Variants in ANKRD46 observed in about 807,000 individuals in gnomAD.
ANKRD46 encodes the protein ankyrin repeat domain 46.
Under a neutral mutation model 19.8 loss-of-function variants are expected in ANKRD46, and 13 were observed. The ratio of observed to expected loss-of-function variants is 0.66; its 90% confidence interval spans 0.43 to 1.04. The LOEUF (loss-of-function observed/expected upper bound fraction) is 1.04, where lower values mean the gene tolerates loss of function less well. Among genes scored for constraint, ANKRD46 ranks in the 50% least tolerant of loss-of-function variants. The pLI, the probability that ANKRD46 is intolerant of heterozygous loss-of-function variation, is 0.00. For missense variants in ANKRD46, 185 were observed against 274.8 expected (o/e 0.67, Z 2.31); for synonymous variants, 91 against 106.9 (o/e 0.85, Z 0.92).
chr8:100,550,985 G>A lies in ANKRD46; in HGVS notation c.-131+8726C>T. ...TTTGGCAGGTTTCTCCAGATGGCAG[G>A]TCAGGTCCACAACCAACACGTTTGC... On this transcript the variant is annotated intron_variant, in intron 1 of 4. Coordinates refer to ENST00000335659, the MANE Select transcript of ANKRD46 (RefSeq NM_001270377.2). The surrounding 1 kb of genome is among the most constrained non-coding windows in gnomAD (Gnocchi z 4.4). The A allele has an allele frequency of 3.6e-6, 2 of 553,704 alleles. No homozygotes were observed. Among genetic ancestry groups the A allele is most frequent in the Non-Finnish European group, 6.9e-6 (2 of 289,432 alleles). The allele number at this position is 553,704 out of a possible 1,614,324, so 34.3% of individuals were successfully genotyped here.
Position 100,527,736 on chromosome 8 carries a change from G to A in ANKRD46, c.470+109C>T. Reference sequence around the variant, plus strand: ...ATTATCTTGCTGGGTGTGGCTACATGTGCCTATAGTCCCAGCTAGTCAGGA... The same window carrying A: ...ATTATCTTGCTGGGTGTGGCTACATATGCCTATAGTCCCAGCTAGTCAGGA... On this transcript the variant is annotated intron_variant, in intron 4 of 4. Coordinates refer to ENST00000335659, the MANE Select transcript of ANKRD46 (RefSeq NM_001270377.2). This position sits in a 1 kb window ranked among gnomAD's most constrained non-coding sequence, Gnocchi z 4.0. 8.6e-7 allele frequency: 1 copy of A among 1,167,802 alleles called. No individual in the cohort carries two copies. Among genetic ancestry groups the A allele is most frequent in the Non-Finnish European group, 1.2e-6 (1 of 848,664 alleles). 72.3% of individuals were successfully genotyped at this position (1,167,802 alleles called of 1,614,324 possible).
chr8:100,529,842 T>C lies in ANKRD46; in HGVS notation c.-9A>G, dbSNP rs774490742. 2.5e-6 allele frequency: 4 copies of C among 1,612,028 alleles called. No homozygotes were observed. The highest frequency in any genetic ancestry group is 3.4e-6 in the Non-Finnish European group (4 of 1,178,506). On this transcript the variant is annotated 5_prime_UTR_variant, in exon 3 of 5. Coordinates refer to ENST00000335659, the MANE Select transcript of ANKRD46 (RefSeq NM_001270377.2). The surrounding 1 kb of genome is among the most constrained non-coding windows in gnomAD (Gnocchi z 5.8). ...ACAAAAACATACGACATTGTTCTGA[T>C]GTGGTGGATGGAACACGCCTGTAAT...
At position 100,510,486 on chromosome 8, in the gene ANKRD46, G is replaced by A. The variant is rs185468836; in HGVS notation, c.*91C>T. The A allele has an allele frequency of 6.8e-5, 87 of 1,278,440 alleles. No homozygotes were observed. In the African/African-American group the frequency reaches 9.6e-4, roughly 14 times the overall value. 79.2% of individuals were successfully genotyped at this position (1,278,440 alleles called of 1,614,324 possible). The stretch of plus-strand genomic sequence containing the variant: ...GATGCTCCATGACACAAGTCGTGAC[G>A]GAAACAGCCCCACCCAACAGGGACG... On this transcript the variant is annotated 3_prime_UTR_variant, in exon 6 of 6. Coordinates refer to the ANKRD46 transcript ENST00000520552. This position sits in a 1 kb window ranked among gnomAD's most constrained non-coding sequence, Gnocchi z 4.9.
intron 1 of ANKRD46, among the ~76,000 whole-genome samples, chr8:100,535,433 C>A (rs1277515250): frequency 2.0e-5 from 3 of 152,146 alleles, no homozygotes; most frequent in African/African-American, 7.2e-5. Flanking sequence ...TAACATCTTG[C>A]CAAACTATAG....
In ANKRD46 at chr8:100,532,655, A is replaced by C. The variant is rs750780624; in HGVS notation, c.-28+554T>G. Among the ~76,000 whole-genome samples the C allele has an allele frequency of 3.3e-5, 5 of 152,234 alleles. No homozygotes were observed. Among genetic ancestry groups the C allele is most frequent in the Non-Finnish European group, 7.3e-5 (5 of 68,046 alleles). ...GAAGAAGAATTGTCTTGGGCTACAC[A>C]TAAAATACATAATGATAGCTGATAA... On this transcript the variant is annotated intron_variant, in intron 2 of 4. Coordinates refer to ENST00000335659, the MANE Select transcript of ANKRD46 (RefSeq NM_001270377.2). The surrounding 1 kb of genome is among the most constrained non-coding windows in gnomAD (Gnocchi z 4.7).
chr8:100,519,853 G>A (rs575895641), downstream of ANKRD46, among the ~76,000 whole-genome samples: 5 of 152,012 alleles, frequency 3.3e-5, no homozygotes, highest in Non-Finnish European at 7.4e-5. Flanking sequence ...TTGTTGCGGG[G>A]GATGCATAAA....
chr8:100,519,731 A>C (rs925600125), downstream of ANKRD46, among the ~76,000 whole-genome samples: 5 of 152,146 alleles, frequency 3.3e-5, no homozygotes, highest in African/African-American at 1.2e-4. Flanking sequence ...GCTGATCGGA[A>C]GCCTGCATGC....
chr8:100,558,036 C>A (rs1016847972), intron 1 of ANKRD46, among the ~76,000 whole-genome samples: 1 of 152,174 alleles, frequency 6.6e-6, no homozygotes, highest in Non-Finnish European at 1.5e-5. Context: ...ACTCTCACAT[C>A]CCCCAGTGCT....
chr8:100,548,097 C>T (rs556082912), intron 1 of ANKRD46, among the ~76,000 whole-genome samples: 9 of 148,616 alleles, frequency 6.1e-5, no homozygotes, highest in African/African-American at 2.0e-4. Flanking sequence ...CTCTACAATC[C>T]GTTCTCAATA....
At chr8:100,549,629 T>C (rs1812341367) in intron 1 of ANKRD46, among the ~76,000 whole-genome samples, 1 of 152,174 alleles carries the variant, frequency 6.6e-6, no homozygotes, top group Non-Finnish European at 1.5e-5. Context: ...AGATTTCCCA[T>C]ATTCCCCCAC....
chr8:100,557,878 C>A lies in ANKRD46; in HGVS notation c.-131+1833G>T, dbSNP rs535436871. 6.6e-6 allele frequency among the ~76,000 whole-genome samples: 1 copy of A among 152,284 alleles called. No homozygotes were observed. The highest frequency in any genetic ancestry group is 1.5e-5 in the Non-Finnish European group (1 of 68,016). ...CTGTTCCTTCCTTGGTGCTTCCTATCCCCCTTTGCTACTTTATTTTTATTC... is the reference window on the plus strand; with the variant it reads ...CTGTTCCTTCCTTGGTGCTTCCTATACCCCTTTGCTACTTTATTTTTATTC... On this transcript the variant is annotated intron_variant, in intron 1 of 4. Coordinates refer to ENST00000335659, the MANE Select transcript of ANKRD46 (RefSeq NM_001270377.2). This position sits in a 1 kb window ranked among gnomAD's most constrained non-coding sequence, Gnocchi z 5.9.
downstream of ANKRD46, among the ~76,000 whole-genome samples, chr8:100,518,546 A>G (rs894171773): frequency 9.9e-5 from 15 of 152,284 alleles, no homozygotes; most frequent in East Asian, 2.9e-3. Flanking sequence ...TGGAAAATTC[A>G]TGATACATTA....
At chr8:100,535,046 C>T (rs773640353) in intron 1 of ANKRD46, among the ~76,000 whole-genome samples, 31 of 152,312 alleles carry the variant, frequency 2.0e-4, no homozygotes, top group African/African-American at 6.7e-4. Flanking sequence ...GGATTACAGG[C>T]GTGAGCCACC....
At position 100,545,711 on chromosome 8, in the gene ANKRD46, A is replaced by G. The variant is rs1004814436; in HGVS notation, c.-130-12400T>C. Among the ~76,000 whole-genome samples, 5 of 152,204 alleles carry G rather than the reference A, an allele frequency of 3.3e-5. No individual in the cohort carries two copies. Among genetic ancestry groups the G allele is most frequent in the African/African-American group, 1.2e-4 (5 of 41,454 alleles). On this transcript the variant is annotated intron_variant, in intron 1 of 4. Transcript: ENST00000335659. This position sits in a 1 kb window ranked among gnomAD's most constrained non-coding sequence, Gnocchi z 4.7. The stretch of plus-strand genomic sequence containing the variant: ...AAGGTTGGAACAGTTTGGGGGGCTC[A>G]GAAGATATGGGAAAGTCTGGAACTT...
At chr8:100,549,495 A>G (rs907718182) in intron 1 of ANKRD46, among the ~76,000 whole-genome samples, 1 of 152,180 alleles carries the variant, frequency 6.6e-6, no homozygotes, top group Admixed American at 6.5e-5. Flanking sequence ...CAAAAGCATA[A>G]TTTTGCATAA....
In ANKRD46 at chr8:100,543,581, G is replaced by T. The variant is rs867635070; in HGVS notation, c.-130-10270C>A. On this transcript the variant is annotated intron_variant, in intron 1 of 4. Coordinates refer to ENST00000335659, the MANE Select transcript of ANKRD46 (RefSeq NM_001270377.2). This position sits in a 1 kb window ranked among gnomAD's most constrained non-coding sequence, Gnocchi z 4.2. ...ATTATTCTTTAAAATGCTGTCAGAA[G>T]ATAATGGCTTCACAGTCTTCAAACA... Among the ~76,000 whole-genome samples, 2 of 152,160 alleles carry T rather than the reference G, an allele frequency of 1.3e-5. No homozygotes were observed. Among genetic ancestry groups the T allele is most frequent in the African/African-American group, 2.4e-5 (1 of 41,452 alleles).
chr8:100,540,622 G>A (rs574406186), intron 1 of ANKRD46, among the ~76,000 whole-genome samples: 36 of 152,108 alleles, frequency 2.4e-4, no homozygotes, highest in African/African-American at 8.7e-4. Flanking sequence ...CACCAACAAC[G>A]ATTTCTGATA....
chr8:100,532,167 T>A lies in ANKRD46; in HGVS notation c.-28+1042A>T, dbSNP rs1475325603. Among the ~76,000 whole-genome samples, 1 of 152,204 alleles carries A rather than the reference T, an allele frequency of 6.6e-6. No homozygotes were observed. On this transcript the variant is annotated intron_variant, in intron 2 of 4. Transcript: ENST00000335659. This position sits in a 1 kb window ranked among gnomAD's most constrained non-coding sequence, Gnocchi z 4.7. ...AAACTTCAGATTATGATACATATGA[T>A]GACTTTTTAAAAATCTGGCTGGACA...
intron 5 of ANKRD46, among the ~76,000 whole-genome samples, chr8:100,514,548 TC>T (rs1255160341): frequency 1.4e-5 from 2 of 147,790 alleles, no homozygotes; most frequent in Non-Finnish European, 3.0e-5. Flanking sequence ...CTATTGAACA[TC>T]CTGAAAAGTG....
Sources: gnomAD v4.1 joint callset for allele counts (sites outside exome capture counted in the v4.1 genomes callset) on GRCh38, gnomAD v4.1.1 for gene constraint, Gnocchi (gnomAD v3.1) non-coding constraint, MANE v1.5 for transcripts, NCBI Gene and HGNC (gene_info 2026-07-23, HGNC 2026-07-21) for gene names.